The following GFRAL variants were observed in gnomAD, a reference collection of about 807,000 sequenced individuals.
GFRAL encodes the protein GDNF family receptor alpha-like.
A neutral mutation model predicts 45.4 loss-of-function variants in GFRAL; 36 were observed. The ratio of observed to expected loss-of-function variants is 0.79; its 90% CI spans 0.61 to 1.05. The LOEUF (loss-of-function observed/expected upper bound fraction) is 1.05, where lower values mean the gene tolerates loss of function less well. Ranked by LOEUF, GFRAL falls within the 50% of genes least tolerant of loss-of-function variation. GFRAL has a pLI of 0.00. For synonymous variants in GFRAL, 166 were observed against 154.1 expected, an observed-to-expected ratio of 1.08 and a Z score of -0.57; for missense variants, 507 against 467.5, an observed-to-expected ratio of 1.08 and a Z score of -0.78.
chr6:55,360,178 A>C (rs142616881), intron 6 of GFRAL, among the ~76,000 whole-genome samples: 8 of 152,066 alleles, frequency 5.3e-5, no homozygotes, highest in Admixed American at 5.3e-4. Context: ...GTGATCATGT[A>C]ATAATTCAAA....
intron 3 of GFRAL, among the ~76,000 whole-genome samples, chr6:55,345,182 A>G (rs1768021519): frequency 6.6e-6 from 1 of 152,196 alleles, no homozygotes; most frequent in Non-Finnish European, 1.5e-5. Flanking sequence ...ACAGAATTGG[A>G]AAAAACTACT....
intron 6 of GFRAL, among the ~76,000 whole-genome samples, chr6:55,367,953 G>A (rs1310168594): frequency 6.8e-6 from 1 of 146,712 alleles, no homozygotes; most frequent in East Asian, 2.0e-4. Flanking sequence ...TATCTTTGTG[G>A]CGTTCTCTGT....
chr6:55,331,425 CT>C (rs1767827555), intron 1 of GFRAL, among the ~76,000 whole-genome samples: 2 of 151,832 alleles, frequency 1.3e-5, no homozygotes, highest in South Asian at 2.1e-4. Flanking sequence ...TAATTAGAGA[CT>C]TTTTTAAGAG....
At chr6:55,340,704 G>A (rs7757288) in intron 3 of GFRAL, among the ~76,000 whole-genome samples, 73,771 of 151,906 alleles carry the variant, frequency 0.49, 19,312 homozygotes, top group Non-Finnish European at 0.6. Context: ...CCTACTGAGC[G>A]TGAGCTGAAG....
rs749829894 is a variant in GFRAL, at chr6:55,351,277, T to C, written c.395T>C (p.Leu132Ser). The C allele has an allele frequency of 1.2e-6, 2 of 1,600,688 alleles. No individual in the cohort carries two copies. The highest frequency in any genetic ancestry group is 2.7e-5 in the African/African-American group (2 of 74,644). ...HHGFKGMWSCLEVAEACVGDV... is the reference protein window; with the variant it reads ...HHGFKGMWSCSEVAEACVGDV... ...GGATTCAAAGGGATGTGGTCCTGTT[T>C]GGAAGTGGCAGAGGCATGTGTAGGG... Residue 132 changes from leucine to serine, a missense_variant, in exon 5 of 9, where the codon TTG becomes TCG. By Grantham distance (145) the Leu-to-Ser change is moderately radical. Transcript: ENST00000340465.
At chr6:55,371,127 A>G (rs1581753008) in intron 6 of GFRAL, among the ~76,000 whole-genome samples, 1 of 152,176 alleles carries the variant, frequency 6.6e-6, no homozygotes, top group Admixed American at 6.5e-5. Flanking sequence ...TGTTACTTTC[A>G]CAATGAAAAG....
At chr6:55,346,182 C>G (rs1768039135) in intron 3 of GFRAL, among the ~76,000 whole-genome samples, 1 of 152,138 alleles carries the variant, frequency 6.6e-6, no homozygotes, top group South Asian at 2.1e-4. Context: ...CCAACCATCC[C>G]ATTACCAGGT....
intron 1 of GFRAL, among the ~76,000 whole-genome samples, 180 bp downstream of exon 1, chr6:55,327,756 T>G (rs1167703480): frequency 6.6e-6 from 1 of 152,094 alleles, no homozygotes; most frequent in Non-Finnish European, 1.5e-5. Context: ...TTTTACTCAC[T>G]TATTTCTAAC....
In GFRAL at chr6:55,352,938, G is replaced by C. The variant is rs1211079915; in HGVS notation, c.701+1355G>C. Among the ~76,000 whole-genome samples, 4 of 152,038 alleles carry C rather than the reference G, an allele frequency of 2.6e-5. No homozygotes were observed. In the East Asian group the frequency reaches 7.7e-4, roughly 29 times the overall value. ...GATCTTATAGTCCAGAGAGAAGACA[G>C]ATATTAAATTAAAAATGTATGTGTT... On this transcript the variant is annotated intron_variant, in intron 5 of 8. Coordinates refer to ENST00000340465, the MANE Select transcript of GFRAL (RefSeq NM_207410.2).
chr6:55,343,884 A>C (rs1470078706), intron 3 of GFRAL, among the ~76,000 whole-genome samples: 1 of 152,176 alleles, frequency 6.6e-6, no homozygotes, highest in Non-Finnish European at 1.5e-5. Flanking sequence ...ACAGAAATAC[A>C]AGCTACCATC....
At chr6:55,386,978 CT>C (rs529791735) in intron 6 of GFRAL, among the ~76,000 whole-genome samples, 4 of 152,252 alleles carry the variant, frequency 2.6e-5, no homozygotes, top group African/African-American at 9.6e-5. Context: ...TGTCTTCTAC[CT>C]TCATTTTCTC....
chr6:55,352,090 CTT>C (rs1768125919), intron 5 of GFRAL, among the ~76,000 whole-genome samples: 1 of 151,992 alleles, frequency 6.6e-6, no homozygotes, highest in Admixed American at 6.6e-5. Flanking sequence ...ACATTTGTGT[CTT>C]TTCACAATGT....
intron 3 of GFRAL, among the ~76,000 whole-genome samples, chr6:55,343,307 C>T (rs1438114336): frequency 6.6e-6 from 1 of 152,152 alleles, no homozygotes; most frequent in Non-Finnish European, 1.5e-5. Context: ...CGTAAAAGAA[C>T]ACAAATTATA....
intron 4 of GFRAL, 84 bp from the exon 5 acceptor site, chr6:55,351,168 AT>A: frequency 1.0e-6 from 1 of 953,238 alleles, no homozygotes. Flanking sequence ...TATTTTGCTC[AT>A]AGACTTCTCA....
At chr6:55,374,002 C>T (rs1415380028) in intron 6 of GFRAL, among the ~76,000 whole-genome samples, 1 of 152,102 alleles carries the variant, frequency 6.6e-6, no homozygotes, top group African/African-American at 2.4e-5. Context: ...ATGCAGTGTT[C>T]GGTTTTCTGC....
chr6:55,340,931 G>T (rs560127527), intron 3 of GFRAL, among the ~76,000 whole-genome samples: 1 of 152,168 alleles, frequency 6.6e-6, no homozygotes, highest in Non-Finnish European at 1.5e-5. Flanking sequence ...CATTCCTAGC[G>T]CAGCAGTCTG....
rs568413438 is a variant in GFRAL at position 55,340,810 on chromosome 6, G to A, written c.316+6866G>A. Among the ~76,000 whole-genome samples, 6 of 152,260 alleles carry A rather than the reference G, an allele frequency of 3.9e-5. No homozygotes were observed. The East Asian group carries it at 5.8e-4, about 15-fold the overall frequency. ...GGTGACGGATGGCACCTGGAAAATC[G>A]GGTCACTCTCACCCTAATACTGCAC... On this transcript the variant is annotated intron_variant, in intron 3 of 8. Coordinates refer to ENST00000340465, the MANE Select transcript of GFRAL (RefSeq NM_207410.2).
intron 3 of GFRAL, among the ~76,000 whole-genome samples, chr6:55,341,632 G>A (rs533263415): frequency 6.6e-6 from 1 of 152,274 alleles, no homozygotes; most frequent in Non-Finnish European, 1.5e-5. Context: ...CCCTCCAAAG[G>A]AATGCAACAC....
intron 6 of GFRAL, among the ~76,000 whole-genome samples, chr6:55,367,387 C>G (rs1250351052): frequency 7.0e-6 from 1 of 143,738 alleles, no homozygotes; most frequent in East Asian, 1.9e-4. Context: ...GGTCTTGACT[C>G]TTGATCCAAT....
Sources: allele counts gnomAD v4.1 joint callset (sites outside exome capture counted in the v4.1 genomes callset), GRCh38; gene constraint gnomAD v4.1.1; transcripts MANE v1.5; gene names NCBI Gene and HGNC (gene_info 2026-07-23, HGNC 2026-07-21).